The following TRPM1 variants were observed in gnomAD, a reference collection of about 807,000 sequenced individuals.
TRPM1 encodes the protein transient receptor potential cation channel subfamily M member 1, also known as TRPM1-203 APA Isoform, Intron 10.
In TRPM1, 113 loss-of-function variants were observed where a neutral mutation model predicts 149.4. That is an observed-to-expected ratio of 0.76 (90% CI 0.65 to 0.88). The LOEUF (loss-of-function observed/expected upper bound fraction) is 0.88. TRPM1 is among the 40% of genes least tolerant of loss of function. The pLI, the probability that TRPM1 is intolerant of heterozygous loss-of-function variation, is 0.00. For synonymous variants in TRPM1, 741 were observed against 759.5 expected, an observed-to-expected ratio of 0.98 and a Z score of 0.40; for missense variants, 1,976 against 2,038.7, an observed-to-expected ratio of 0.97 and a Z score of 0.59.
chr15:31,144,711 GAT>G lies in TRPM1; in HGVS notation c.54+16193_54+16194del, dbSNP rs757567659. ...CTGTGGCCCTTTTCATTGTTTTTGA[GAT>G]TTTTTTTTTTTTTTTTTTTGAGACA... On this transcript the variant is annotated intron_variant, in intron 1 of 26. Transcript: ENST00000542188. Among the ~76,000 whole-genome samples the G allele has an allele frequency of 1.2e-3, 175 of 142,966 alleles. 1 individual carries two copies. Among genetic ancestry groups the G allele is most frequent in the African/African-American group, 3.7e-3 (139 of 37,524 alleles). The allele number at this position is 142,966 out of a possible 152,430, so 93.8% of individuals were successfully genotyped here.
chr15:31,036,670 G>A (rs2033390752), intron 20 of TRPM1, among the ~76,000 whole-genome samples: 1 of 152,208 alleles, frequency 6.6e-6, no homozygotes, highest in African/African-American at 2.4e-5. Context: ...ATGGCTTCCT[G>A]GCCCCATCTC....
intron 16 of TRPM1, 107 bp from the exon 17 acceptor site, chr15:31,042,350 A>T: frequency 3.4e-6 from 4 of 1,159,492 alleles, no homozygotes; most frequent in African/African-American, 1.5e-5. Flanking sequence ...TAATAAAGAG[A>T]CTTCTGAAGT....
At chr15:31,158,526 C>CT in intron 1 of TRPM1, among the ~76,000 whole-genome samples, 1 of 149,418 alleles carries the variant, frequency 6.7e-6, no homozygotes, top group East Asian at 2.0e-4. Context: ...ACTTGGGAGG[C>CT]TGAGGCAGGA....
intron 1 of TRPM1, among the ~76,000 whole-genome samples, chr15:31,142,468 A>G (rs1489818927): frequency 6.6e-6 from 1 of 152,214 alleles, no homozygotes; most frequent in Non-Finnish European, 1.5e-5. Flanking sequence ...TAATCAAAAT[A>G]ATTTCCTATG....
chr15:31,003,932 G>A (rs183119877), intron 27 of TRPM1, among the ~76,000 whole-genome samples: 1 of 151,894 alleles, frequency 6.6e-6, no homozygotes, highest in South Asian at 2.1e-4. Context: ...AAATCCACTG[G>A]TACAGACTTT....
At chr15:31,045,180 A>G (rs1404429274) in intron 16 of TRPM1, among the ~76,000 whole-genome samples, 1 of 152,214 alleles carries the variant, frequency 6.6e-6, no homozygotes, top group African/African-American at 2.4e-5. Context: ...AATTGTCAAC[A>G]CAGAATGAAA....
intron 15 of TRPM1, 133 bp downstream of exon 15, chr15:31,046,978 G>C: frequency 7.9e-7 from 1 of 1,271,598 alleles, no homozygotes; most frequent in South Asian, 1.2e-5. Context: ...TGAGAGCACT[G>C]TAGGAGGCAG....
chr15:31,047,073 C>T (rs2033786893), intron 15 of TRPM1, 38 bp downstream of exon 15: 9 of 1,614,034 alleles, frequency 5.6e-6, no homozygotes, highest in African/African-American at 2.7e-5. Context: ...ACATGGTACT[C>T]GCGAACCACA....
intron 1 of TRPM1, among the ~76,000 whole-genome samples, chr15:31,153,797 G>C (rs1197524834): frequency 6.6e-6 from 1 of 152,180 alleles, no homozygotes; most frequent in East Asian, 1.9e-4. Flanking sequence ...CCTGTGTCAC[G>C]GGCATGTTAT....
At chr15:31,023,804 G>A (rs746846407) in intron 27 of TRPM1, among the ~76,000 whole-genome samples, 1 of 152,216 alleles carries the variant, frequency 6.6e-6, no homozygotes, top group Non-Finnish European at 1.5e-5. Context: ...CTGACCCAGT[G>A]TTGTGTCAAT....
intron 1 of TRPM1, among the ~76,000 whole-genome samples, chr15:31,115,790 C>T (rs534255001): frequency 1.3e-5 from 2 of 151,562 alleles, no homozygotes; most frequent in East Asian, 2.0e-4. Context: ...TCCATTCAAG[C>T]GGCTAAAACA....
chr15:31,047,464 A>G (rs1330589746), intron 14 of TRPM1, among the ~76,000 whole-genome samples: 1 of 152,226 alleles, frequency 6.6e-6, no homozygotes, highest in African/African-American at 2.4e-5. Flanking sequence ...AGCTGCAATC[A>G]ACAGGACACA....
intron 27 of TRPM1, among the ~76,000 whole-genome samples, chr15:31,023,350 T>C (rs1233455546): frequency 6.6e-6 from 1 of 152,166 alleles, no homozygotes; most frequent in Non-Finnish European, 1.5e-5. Context: ...AAGGAGAAGA[T>C]AGTGCATGGC....
At position 31,101,672 on chromosome 15, in the gene TRPM1, A is replaced by T; in HGVS notation, c.-99T>A. The T allele has an allele frequency of 1.0e-6, 1 of 985,806 alleles. No individual in the cohort carries two copies. Among genetic ancestry groups the T allele is most frequent in the Non-Finnish European group, 1.2e-6 (1 of 830,208 alleles). The allele number at this position is 985,806 out of a possible 1,614,324, so 61.1% of individuals were successfully genotyped here. A position where few individuals can be genotyped will look rare whatever the true frequency, so the allele number is the denominator to read the frequency against. On this transcript the variant is annotated 5_prime_UTR_variant, in exon 1 of 28. Transcript: ENST00000256552. ...CTGAGCTTACCTGCCACAGCAGTGG[A>T]ATGGAGAGGGCACAGCTCAGGCTCT...
chr15:31,058,723 C>T (rs2034149405), intron 11 of TRPM1, among the ~76,000 whole-genome samples: 1 of 152,182 alleles, frequency 6.6e-6, no homozygotes, highest in South Asian at 2.1e-4. Context: ...AAATGGGAGT[C>T]TGAAGCGGAC....
rs1267335076 is a variant in TRPM1, at chr15:31,037,743, T to G, written c.2539A>C (p.Asn847His). 9.9e-6 allele frequency: 16 copies of G among 1,614,222 alleles called. No homozygotes were observed. The highest frequency in any genetic ancestry group is 1.4e-5 in the Non-Finnish European group (16 of 1,180,046). ...PIGTKICEFYNAPIVKFWFYT... is the reference protein window; with the variant it reads ...PIGTKICEFYHAPIVKFWFYT... ...AACCAGAACTTGACAATGGGCGCGT[T>G]ATAGAATTCACAGATCTTTGTTCCG... Residue 847 changes from asparagine (N) to histidine (H), a missense_variant, in exon 20 of 28, where the codon AAC (asparagine) becomes CAC (histidine). Around this residue, in one of 3 missense-constraint regions of TRPM1, gnomAD observed 1,332 missense variants for 1,347.1 expected, o/e 0.99. Transcript: ENST00000256552.
intron 1 of TRPM1, among the ~76,000 whole-genome samples, chr15:31,124,654 C>CAAAAAA (rs57964365): frequency 2.3e-5 from 2 of 86,416 alleles, no homozygotes; most frequent in African/African-American, 4.1e-5. Flanking sequence ...GACTCTGTCT[C>CAAAAAA]AAAAAAAAAA....
At chr15:31,116,883 ACTT>A (rs1450118966) in intron 1 of TRPM1, among the ~76,000 whole-genome samples, 11 of 152,194 alleles carry the variant, frequency 7.2e-5, no homozygotes, top group Non-Finnish European at 1.6e-4. Flanking sequence ...TATTTACCTC[ACTT>A]CTTCTTATGC....
chr15:31,112,181 G>A (rs552916200), intron 1 of TRPM1, among the ~76,000 whole-genome samples: 1 of 152,260 alleles, frequency 6.6e-6, no homozygotes. Context: ...CCTTCTTCCC[G>A]AGTTGATTCA....
Sources: allele counts gnomAD v4.1 joint callset (sites outside exome capture counted in the v4.1 genomes callset), GRCh38; gene constraint gnomAD v4.1.1; regional missense constraint gnomAD v4.1.1; transcripts MANE v1.5; gene names NCBI Gene and HGNC (gene_info 2026-07-23, HGNC 2026-07-21).